NECTIN3: variants seen among roughly 807,000 people sequenced by gnomAD.
The protein encoded by NECTIN3 is nectin-3.
Under a neutral mutation model 49.4 loss-of-function variants are expected in NECTIN3, and 8 were observed. The ratio of observed to expected loss-of-function variants is 0.16; its 90% confidence interval spans 0.10 to 0.29. The LOEUF (loss-of-function observed/expected upper bound fraction) is 0.29. NECTIN3 is among the 10% of genes least tolerant of loss of function. NECTIN3 has a pLI of 1.00. For missense variants in NECTIN3, 581 were observed against 654.6 expected, an observed-to-expected ratio of 0.89 and a Z score of 1.23; for synonymous variants, 277 against 241.1, an observed-to-expected ratio of 1.15 and a Z score of -1.38.
At chr3:111,164,748 G>A (rs1374145887) in intron 7 of NECTIN3, among the ~76,000 whole-genome samples, 1 of 152,066 alleles carries the variant, frequency 6.6e-6, no homozygotes, top group African/African-American at 2.4e-5. Context: ...GTTGGACTAG[G>A]GTCCACCCAA....
intron 1 of NECTIN3, chr3:111,193,133 G>GT (rs1277973725): frequency 1.5e-6 from 2 of 1,377,290 alleles, no homozygotes; most frequent in African/African-American, 1.4e-5. Context: ...ATTCTTGCCT[G>GT]TTTTTACCAG....
intron 1 of NECTIN3, among the ~76,000 whole-genome samples, chr3:111,087,854 C>T (rs948015627): frequency 2.0e-5 from 3 of 151,856 alleles, no homozygotes; most frequent in African/African-American, 4.8e-5. Context: ...CCCGCTACCA[C>T]GCCTGGCAAA....
chr3:111,163,890 A>C (rs867482378), intron 7 of NECTIN3, among the ~76,000 whole-genome samples: 19 of 152,202 alleles, frequency 1.2e-4, no homozygotes, highest in Middle Eastern at 3.4e-3. Flanking sequence ...AGATCTATAA[A>C]GTAAATGCAG....
chr3:111,126,475 G>A, intron 5 of NECTIN3, 140 bp downstream of exon 5: 2 of 720,814 alleles, frequency 2.8e-6, no homozygotes, highest in South Asian at 4.2e-5. Context: ...AATCTAAAAG[G>A]AATATGATAA....
chr3:111,170,935 A>T (rs2035422460), intron 7 of NECTIN3, among the ~76,000 whole-genome samples: 1 of 152,210 alleles, frequency 6.6e-6, no homozygotes, highest in Admixed American at 6.5e-5. Context: ...TACCAGGGTC[A>T]TCTTTAATAT....
At chr3:111,118,501 A>G (rs2107463042) in intron 2 of NECTIN3, among the ~76,000 whole-genome samples, 155 bp from the exon 3 acceptor site, 1 of 151,878 alleles carries the variant, frequency 6.6e-6, no homozygotes, top group East Asian at 1.9e-4. Context: ...TGTTTTTCCA[A>G]GAATGTAATT....
In NECTIN3 at chr3:111,181,216, A is replaced by T. The variant is rs529624991; in HGVS notation, c.1222-11135A>T. 2.0e-5 allele frequency among the ~76,000 whole-genome samples: 3 copies of T among 152,308 alleles called. No individual in the cohort carries two copies. In the South Asian group the frequency reaches 6.2e-4, roughly 32 times the overall value. On this transcript the variant is annotated intron_variant, in intron 7 of 8. Coordinates refer to the NECTIN3 transcript ENST00000493615. ...TTTAAAAGAACCTCACATGAATGGA[A>T]TCCCAGTGTGCTCTTTTGCGTCCAA...
At chr3:111,157,869 T>G (rs2035130243) in intron 7 of NECTIN3, among the ~76,000 whole-genome samples, 1 of 152,082 alleles carries the variant, frequency 6.6e-6, no homozygotes, top group African/African-American at 2.4e-5. Flanking sequence ...TACATAGATA[T>G]CTTCATGTGA....
chr3:111,087,215 T>C (rs2031983205), intron 1 of NECTIN3, among the ~76,000 whole-genome samples: 1 of 152,188 alleles, frequency 6.6e-6, no homozygotes. Context: ...TGTTTTTCTT[T>C]TCCTTTACCT....
intron 7 of NECTIN3, among the ~76,000 whole-genome samples, chr3:111,182,654 CT>C (rs201821313): frequency 4.0e-5 from 6 of 148,848 alleles, no homozygotes; most frequent in East Asian, 3.9e-4. Flanking sequence ...GGTTTTCAAA[CT>C]TTTTTTTTTA....
At chr3:111,099,135 T>G (rs1477848) in intron 1 of NECTIN3, among the ~76,000 whole-genome samples, 121,721 of 152,080 alleles carry the variant, frequency 0.8, 51,674 homozygotes, top group Non-Finnish European at 0.94. Flanking sequence ...CTAACATCCA[T>G]CATAAATGCT....
chr3:111,097,550 C>T (rs1268363650), intron 1 of NECTIN3, among the ~76,000 whole-genome samples: 2 of 152,098 alleles, frequency 1.3e-5, no homozygotes, highest in African/African-American at 2.4e-5. Context: ...TCTTCAATTC[C>T]CACATGTTGT....
intron 1 of NECTIN3, among the ~76,000 whole-genome samples, chr3:111,109,926 G>T (rs942787356): frequency 3.3e-5 from 5 of 151,788 alleles, no homozygotes; most frequent in Non-Finnish European, 7.4e-5. Context: ...TTCAAGTCAG[G>T]TTTATAAGTT....
chr3:111,111,417 A>G (rs2033454690), intron 1 of NECTIN3, among the ~76,000 whole-genome samples: 1 of 152,160 alleles, frequency 6.6e-6, no homozygotes, highest in African/African-American at 2.4e-5. Flanking sequence ...TCTGTCTTTA[A>G]TGACTTTTCA....
At chr3:111,150,159 A>G (rs2034970466) in intron 7 of NECTIN3, among the ~76,000 whole-genome samples, 1 of 152,000 alleles carries the variant, frequency 6.6e-6, no homozygotes. Flanking sequence ...CGTGAAATGG[A>G]TATTTATTTG....
At chr3:111,180,858 A>G (rs569677504) in intron 7 of NECTIN3, among the ~76,000 whole-genome samples, 20 of 152,226 alleles carry the variant, frequency 1.3e-4, no homozygotes, top group Non-Finnish European at 2.6e-4. Flanking sequence ...GACTATGTCA[A>G]TGACTTCTCA....
At chr3:111,184,319 G>A (rs531980070) in intron 7 of NECTIN3, among the ~76,000 whole-genome samples, 38 of 152,240 alleles carry the variant, frequency 2.5e-4, no homozygotes, top group Non-Finnish European at 2.9e-5. Flanking sequence ...GCTTTGAAAA[G>A]TCATATTGAA....
At chr3:111,130,293 C>T (rs2034340908) in intron 5 of NECTIN3, among the ~76,000 whole-genome samples, 1 of 150,240 alleles carries the variant, frequency 6.7e-6, no homozygotes, top group Admixed American at 6.6e-5. Flanking sequence ...AGTAGTTAGA[C>T]TTTACTTTTC....
intron 7 of NECTIN3, among the ~76,000 whole-genome samples, chr3:111,159,295 T>C (rs1283803499): frequency 6.6e-6 from 1 of 152,272 alleles, no homozygotes; most frequent in Non-Finnish European, 1.5e-5. Context: ...TTCCTTTACT[T>C]CCACTCCCAT....
Sources: allele counts gnomAD v4.1 joint callset (sites outside exome capture counted in the v4.1 genomes callset), GRCh38; gene constraint gnomAD v4.1.1; transcripts MANE v1.5; gene names NCBI Gene and HGNC (gene_info 2026-07-23, HGNC 2026-07-21).